CTNNA3: variants seen among roughly 807,000 people sequenced by gnomAD.
The protein encoded by CTNNA3 is catenin alpha-3.
A neutral mutation model predicts 95.7 loss-of-function variants in CTNNA3; 76 were observed. The ratio of observed to expected loss-of-function variants is 0.79; its 90% confidence interval spans 0.66 to 0.96. The LOEUF (loss-of-function observed/expected upper bound fraction) is 0.96, where lower values mean the gene tolerates loss of function less well. CTNNA3 is among the 40% of genes least tolerant of loss of function. The pLI is 0.00. For synonymous variants in CTNNA3, 431 were observed against 374.4 expected (o/e 1.15, Z -1.74); for missense variants, 1,191 against 1,089.8 (o/e 1.09, Z -1.31).
intron 3 of CTNNA3, among the ~76,000 whole-genome samples, chr10:67,593,054 G>C (rs1842833545): frequency 6.6e-6 from 1 of 151,642 alleles, no homozygotes; most frequent in South Asian, 2.1e-4. Flanking sequence ...CCAAGTATAA[G>C]TGAGAAGATG....
intron 10 of CTNNA3, among the ~76,000 whole-genome samples, chr10:66,607,657 T>C (rs1338999169): frequency 2.0e-5 from 3 of 151,906 alleles, no homozygotes; most frequent in African/African-American, 7.2e-5. Context: ...TTCAAATCAA[T>C]ACATGTGATT....
At chr10:66,955,953 T>C (rs1273526374) in intron 7 of CTNNA3, among the ~76,000 whole-genome samples, 1 of 152,168 alleles carries the variant, frequency 6.6e-6, no homozygotes, top group Non-Finnish European at 1.5e-5. Flanking sequence ...TTAGTCATTC[T>C]GGTCATGGAG....
At chr10:67,158,402 G>T (rs576909531) in intron 7 of CTNNA3, among the ~76,000 whole-genome samples, 1 of 152,100 alleles carries the variant, frequency 6.6e-6, no homozygotes, top group African/African-American at 2.4e-5. Flanking sequence ...TAATAAAACC[G>T]GTCAAGCTTT....
At chr10:67,189,491 A>C (rs1589841727) in intron 6 of CTNNA3, among the ~76,000 whole-genome samples, 2 of 151,806 alleles carry the variant, frequency 1.3e-5, no homozygotes, top group Admixed American at 6.6e-5. Context: ...CCACAAAAAA[A>C]TAAGTATGTG....
chr10:67,162,699 A>G (rs912626381), intron 7 of CTNNA3, among the ~76,000 whole-genome samples: 43 of 151,970 alleles, frequency 2.8e-4, no homozygotes, highest in Admixed American at 2.7e-3. Context: ...GAGAAATTCA[A>G]TGAAATAAAA....
chr10:67,117,561 C>T (rs949298087), intron 7 of CTNNA3, among the ~76,000 whole-genome samples: 27 of 151,924 alleles, frequency 1.8e-4, no homozygotes, highest in Non-Finnish European at 1.0e-4. Context: ...AGACTGTAAA[C>T]AAGTCGAATT....
chr10:67,543,524 C>T, intron 3 of CTNNA3, among the ~76,000 whole-genome samples: 1 of 151,768 alleles, frequency 6.6e-6, no homozygotes, highest in Non-Finnish European at 1.5e-5. Flanking sequence ...TCAAGGAAAA[C>T]ATAGTATAAG....
chr10:67,074,260 G>A (rs1335842165), intron 7 of CTNNA3, among the ~76,000 whole-genome samples: 7 of 149,784 alleles, frequency 4.7e-5, no homozygotes, highest in Non-Finnish European at 8.9e-5. Flanking sequence ...TTGATCTCTC[G>A]ACCTCATGAT....
chr10:67,692,179 G>C (rs1284538411), intron 1 of CTNNA3, among the ~76,000 whole-genome samples: 1 of 151,044 alleles, frequency 6.6e-6, no homozygotes, highest in African/African-American at 2.4e-5. Context: ...CCTCTGCCCG[G>C]CCGCCCCTAC....
At chr10:67,528,220 C>T (rs547398611) in intron 4 of CTNNA3, among the ~76,000 whole-genome samples, 1 of 152,248 alleles carries the variant, frequency 6.6e-6, no homozygotes, top group African/African-American at 2.4e-5. Flanking sequence ...ACAAAAGTGT[C>T]TTCAACTTGA....
chr10:66,096,357 G>A (rs1265589997), intron 14 of CTNNA3, among the ~76,000 whole-genome samples: 1 of 151,852 alleles, frequency 6.6e-6, no homozygotes, highest in Non-Finnish European at 1.5e-5. Context: ...CTTGGGCAGG[G>A]GCAAAGAAAG....
chr10:66,605,439 A>C (rs2132269724), intron 10 of CTNNA3, among the ~76,000 whole-genome samples: 1 of 152,266 alleles, frequency 6.6e-6, no homozygotes, highest in South Asian at 2.1e-4. Context: ...GCCAACATTC[A>C]AATTCAGGAA....
chr10:67,122,058 T>C (rs1017140827), intron 7 of CTNNA3, among the ~76,000 whole-genome samples: 3 of 141,212 alleles, frequency 2.1e-5, no homozygotes, highest in African/African-American at 5.3e-5. Context: ...AGAATGCCAG[T>C]CAAGGACGTG....
intron 7 of CTNNA3, among the ~76,000 whole-genome samples, chr10:66,820,642 T>TAA (rs58323145): frequency 1.7e-3 from 221 of 129,490 alleles, no homozygotes; most frequent in East Asian, 3.3e-3. Context: ...GAAGTGAAAG[T>TAA]AAAAAAAAAA....
intron 12 of CTNNA3, among the ~76,000 whole-genome samples, chr10:66,328,765 G>A (rs996127799): frequency 1.6e-4 from 24 of 150,998 alleles, no homozygotes; most frequent in African/African-American, 5.8e-4. Flanking sequence ...AATTTAACCT[G>A]CATCTGAAGG....
At chr10:66,129,791 G>A (rs902759404) in intron 13 of CTNNA3, among the ~76,000 whole-genome samples, 1 of 151,972 alleles carries the variant, frequency 6.6e-6, no homozygotes, top group Admixed American at 6.6e-5. Flanking sequence ...TCCCCTCACT[G>A]CAGCCTCCCC....
At chr10:67,462,712 A>C (rs10997651) in intron 5 of CTNNA3, among the ~76,000 whole-genome samples, 27,460 of 151,998 alleles carry the variant, frequency 0.18, 3,646 homozygotes, top group African/African-American at 0.35. Flanking sequence ...AGACGTGGTG[A>C]TCTGAGAAGG....
At chr10:66,474,656 C>G (rs1839258371) in intron 11 of CTNNA3, among the ~76,000 whole-genome samples, 1 of 152,090 alleles carries the variant, frequency 6.6e-6, no homozygotes, top group East Asian at 1.9e-4. Flanking sequence ...AATTTAGATT[C>G]TGAGTAACAG....
intron 7 of CTNNA3, among the ~76,000 whole-genome samples, chr10:66,930,326 T>C (rs1469423743): frequency 6.6e-6 from 1 of 152,210 alleles, no homozygotes; most frequent in Non-Finnish European, 1.5e-5. Flanking sequence ...AGTCACATAT[T>C]TCCAATGGAT....
Sources: allele counts gnomAD v4.1 joint callset (sites outside exome capture counted in the v4.1 genomes callset), GRCh38; gene constraint gnomAD v4.1.1; transcripts MANE v1.5; gene names NCBI Gene and HGNC (gene_info 2026-07-23, HGNC 2026-07-21).